TAFA2: variants seen among roughly 807,000 people sequenced by gnomAD.
The protein encoded by TAFA2 is TAFA chemokine like family member 2, also known as chemokine-like protein TAFA-2.
Under a neutral mutation model 18.8 loss-of-function variants are expected in TAFA2, and 7 were observed. The ratio of observed to expected loss-of-function variants is 0.37; its 90% CI spans 0.21 to 0.70. TAFA2 has a LOEUF of 0.70. Ranked by LOEUF, TAFA2 falls within the 30% of genes least tolerant of loss-of-function variation. The pLI is 0.53. For synonymous variants in TAFA2, 60 were observed against 54.2 expected (o/e 1.11, Z -0.47); for missense variants, 122 against 158.1 (o/e 0.77, Z 1.23).
chr12:62,109,156 A>G (rs989908758), intron 1 of TAFA2, among the ~76,000 whole-genome samples: 5 of 152,154 alleles, frequency 3.3e-5, no homozygotes, highest in African/African-American at 1.2e-4. Context: ...TAATTTTTGT[A>G]TAAGGTGTAA....
chr12:62,011,151 G>C (rs1364964999), intron 1 of TAFA2, among the ~76,000 whole-genome samples: 1 of 151,828 alleles, frequency 6.6e-6, no homozygotes, highest in Non-Finnish European at 1.5e-5. Context: ...CGCCCCGTCT[G>C]GGAAATGAGG....
intron 2 of TAFA2, among the ~76,000 whole-genome samples, chr12:61,777,499 G>A (rs1435054103): frequency 6.6e-6 from 1 of 151,732 alleles, no homozygotes; most frequent in Non-Finnish European, 1.5e-5. Flanking sequence ...TACAACAGAT[G>A]TCAATGGTTT....
In TAFA2 at chr12:62,092,584, T is replaced by C. The variant is rs540536940; in HGVS notation, c.-2+98675A>G. Among the ~76,000 whole-genome samples the C allele has an allele frequency of 2.0e-5, 3 of 152,150 alleles. No individual in the cohort carries two copies. In the East Asian group the frequency reaches 5.8e-4, roughly 29 times the overall value. ...ACCAAACTCATCTGGTTTTCCTTTC[T>C]ACTCCTTCTTAGCCTCCTTTACTGG... On this transcript the variant is annotated intron_variant, in intron 1 of 4. Transcript: ENST00000416284.
chr12:62,101,423 C>T (rs1869196359), intron 1 of TAFA2, among the ~76,000 whole-genome samples: 1 of 152,134 alleles, frequency 6.6e-6, no homozygotes, highest in Non-Finnish European at 1.5e-5. Context: ...ATACACTTTG[C>T]ATTTACCTGG....
intron 4 of TAFA2, among the ~76,000 whole-genome samples, chr12:61,711,179 A>G (rs973288346): frequency 6.6e-6 from 1 of 152,008 alleles, no homozygotes; most frequent in Admixed American, 6.6e-5. Context: ...CAGATAGAAT[A>G]CCTGATACAT....
chr12:62,163,723 T>C (rs956839113), intron 1 of TAFA2, among the ~76,000 whole-genome samples: 1 of 152,176 alleles, frequency 6.6e-6, no homozygotes, highest in Non-Finnish European at 1.5e-5. Context: ...AGAGAGGCTA[T>C]TTAAATATGG....
chr12:62,087,526 A>T (rs1257843042), intron 1 of TAFA2, among the ~76,000 whole-genome samples: 1 of 152,166 alleles, frequency 6.6e-6, no homozygotes, highest in Non-Finnish European at 1.5e-5. Context: ...CAGAGAGTAT[A>T]GCAAATGCAA....
chr12:61,813,546 A>G (rs988768080), intron 2 of TAFA2, among the ~76,000 whole-genome samples: 4 of 151,344 alleles, frequency 2.6e-5, no homozygotes, highest in Admixed American at 6.6e-5. Context: ...TTTTCCCAAT[A>G]ACAAAAGTAT....
chr12:62,143,747 G>C (rs909888749), intron 1 of TAFA2, among the ~76,000 whole-genome samples: 1 of 151,970 alleles, frequency 6.6e-6, no homozygotes, highest in Non-Finnish European at 1.5e-5. Context: ...TTATCCTTTA[G>C]AGTCTTAAAA....
intron 2 of TAFA2, among the ~76,000 whole-genome samples, chr12:61,804,320 A>T (rs778359013): frequency 5.9e-5 from 9 of 152,066 alleles, no homozygotes; most frequent in Non-Finnish European, 1.2e-4. Context: ...TATGTCACTC[A>T]TTATAAACAT....
intron 4 of TAFA2, among the ~76,000 whole-genome samples, chr12:61,732,764 C>T (rs1250583091): frequency 7.9e-5 from 12 of 151,112 alleles, no homozygotes; most frequent in Admixed American, 6.6e-4. Flanking sequence ...TGCGTGCGTG[C>T]GTGCATGTGT....
chr12:62,144,633 A>G (rs1592363387), intron 1 of TAFA2, among the ~76,000 whole-genome samples: 1 of 152,320 alleles, frequency 6.6e-6, no homozygotes, highest in East Asian at 1.9e-4. Context: ...TTGTCTTAAT[A>G]AAAACATTAA....
At chr12:61,883,302 T>C (rs1415687203) in intron 1 of TAFA2, among the ~76,000 whole-genome samples, 2 of 152,230 alleles carry the variant, frequency 1.3e-5, no homozygotes, top group African/African-American at 4.8e-5. Flanking sequence ...GCACTTAGCC[T>C]GAAACCACAG....
At chr12:61,746,783 C>T (rs539629355) in intron 4 of TAFA2, among the ~76,000 whole-genome samples, 1 of 152,148 alleles carries the variant, frequency 6.6e-6, no homozygotes, top group African/African-American at 2.4e-5. Flanking sequence ...GTGCTCTGAC[C>T]AGAATTCAGA....
intron 1 of TAFA2, among the ~76,000 whole-genome samples, chr12:61,935,746 T>G (rs1877736088): frequency 6.6e-6 from 1 of 151,644 alleles, no homozygotes; most frequent in Admixed American, 6.6e-5. Flanking sequence ...TTAGAAAATC[T>G]AAAGGAAATA....
In TAFA2 at chr12:61,837,073, AAG is replaced by A. The variant is rs1872965383; in HGVS notation, c.106+30245_106+30246del. On this transcript the variant is annotated intron_variant, in intron 2 of 4. Transcript: ENST00000416284. ...TTAATTTTCACATTAAAACTTCAGA[AAG>A]TTTTTAATTTTTATTTTTATATAAT... 3.3e-5 allele frequency among the ~76,000 whole-genome samples: 5 copies of A among 151,776 alleles called. No homozygotes were observed. The South Asian group carries it at 8.3e-4, about 25-fold the overall frequency.
chr12:62,114,824 C>A (rs999443249), intron 1 of TAFA2, among the ~76,000 whole-genome samples: 1 of 152,156 alleles, frequency 6.6e-6, no homozygotes, highest in African/African-American at 2.4e-5. Context: ...TACAAAGTCT[C>A]ACTATTATAT....
intron 1 of TAFA2, among the ~76,000 whole-genome samples, chr12:62,045,451 G>A (rs905807916): frequency 3.9e-5 from 6 of 152,134 alleles, no homozygotes; most frequent in Admixed American, 3.3e-4. Flanking sequence ...CACGATGCAC[G>A]TAGTGACCTC....
At chr12:61,919,067 T>A (rs1029884906) in intron 1 of TAFA2, among the ~76,000 whole-genome samples, 2 of 152,234 alleles carry the variant, frequency 1.3e-5, no homozygotes, top group African/African-American at 4.8e-5. Context: ...AGTGGCCTGT[T>A]AAGTAATTGT....
Sources: gnomAD v4.1 joint callset for allele counts (sites outside exome capture counted in the v4.1 genomes callset) on GRCh38, gnomAD v4.1.1 for gene constraint, MANE v1.5 for transcripts, NCBI Gene and HGNC (gene_info 2026-07-23, HGNC 2026-07-21) for gene names.